Variants in SLC25A36 observed in about 807,000 individuals in gnomAD.
SLC25A36 encodes the protein solute carrier family 25 member 36.
Under a neutral mutation model 35.3 loss-of-function variants are expected in SLC25A36, and 24 were observed. The ratio of observed to expected loss-of-function variants is 0.68; its 90% CI spans 0.49 to 0.96. SLC25A36 has a LOEUF of 0.96. Ranked by LOEUF, SLC25A36 falls within the 40% of genes least tolerant of loss-of-function variation. The probability of loss-of-function intolerance (pLI) is 0.00; values close to 1 mark genes in which losing one functional copy is unlikely to be tolerated. For missense variants in SLC25A36, 294 were observed against 381.1 expected (o/e 0.77, Z 1.90); for synonymous variants, 141 against 132.2 (o/e 1.07, Z -0.46).
intron 3 of SLC25A36, among the ~76,000 whole-genome samples, chr3:140,960,284 A>G (rs1336115225): frequency 1.3e-5 from 2 of 152,200 alleles, no homozygotes; most frequent in African/African-American, 4.8e-5. Context: ...GAGTTTAACT[A>G]AACCAGCTCT....
At chr3:140,959,617 A>T (rs1488286291) in intron 3 of SLC25A36, 77 bp downstream of exon 3, 18 of 590,262 alleles carry the variant, frequency 3.0e-5, no homozygotes, top group Admixed American at 4.2e-5. Flanking sequence ...TTAATCATTT[A>T]TAGATACAGT....
chr3:140,944,721 G>A (rs1289079873), intron 1 of SLC25A36, among the ~76,000 whole-genome samples: 1 of 152,078 alleles, frequency 6.6e-6, no homozygotes, highest in Non-Finnish European at 1.5e-5. Flanking sequence ...TCTTATGACA[G>A]ATAATTTAAT....
intron 3 of SLC25A36, among the ~76,000 whole-genome samples, chr3:140,960,758 TAGTA>T (rs1332680733): frequency 2.0e-5 from 3 of 152,008 alleles, no homozygotes; most frequent in Admixed American, 6.5e-5. Flanking sequence ...AAGGACCACA[TAGTA>T]AGACCATTGT....
At chr3:140,950,061 T>C (rs1309723155) in intron 1 of SLC25A36, among the ~76,000 whole-genome samples, 1 of 152,212 alleles carries the variant, frequency 6.6e-6, no homozygotes, top group Non-Finnish European at 1.5e-5. Context: ...TTTAGTTATA[T>C]TGTACCACTC....
Position 140,958,960 on chromosome 3 carries a change from T to TTGTGTG in SLC25A36, c.207-459_207-454dup, listed in dbSNP as rs377492880. Among the ~76,000 whole-genome samples the TTGTGTG allele has an allele frequency of 3.7e-3, 415 of 112,620 alleles. 1 individual carries two copies. Among genetic ancestry groups the TTGTGTG allele is most frequent in the Non-Finnish European group, 4.9e-3 (281 of 57,388 alleles). The allele number at this position is 112,620 out of a possible 152,430, so 73.9% of individuals were successfully genotyped here. A position where few individuals can be genotyped will look rare whatever the true frequency, so the allele number is the denominator to read the frequency against. The stretch of plus-strand genomic sequence containing the variant: ...TGCTATGTCATGAAAAAACAATGTT[T>TTGTGTG]TGTGTGTGTGTGTGTGTGTGTGTGT... On this transcript the variant is annotated intron_variant, in intron 2 of 6. Coordinates refer to ENST00000324194, the MANE Select transcript of SLC25A36 (RefSeq NM_001104647.3).
rs184093559 is a variant in SLC25A36, at chr3:140,955,091, T to A, written c.42-1436T>A. On this transcript the variant is annotated intron_variant, in intron 1 of 6. Transcript: ENST00000324194. ...TTTATTTTTTAATAGTTTTGTTGCA[T>A]AAGTTTTTCACTCTAGTTGCATACA... Among the ~76,000 whole-genome samples the A allele has an allele frequency of 2.7e-3, 409 of 152,276 alleles. 1 individual carries two copies. Among genetic ancestry groups the A allele is most frequent in the African/African-American group, 7.8e-3 (325 of 41,578 alleles).
intron 1 of SLC25A36, among the ~76,000 whole-genome samples, chr3:140,952,284 C>T (rs943389173): frequency 7.9e-5 from 12 of 152,066 alleles, no homozygotes; most frequent in African/African-American, 2.9e-4. Flanking sequence ...TCCCAAAGTG[C>T]TAGGATTACA....
At chr3:140,961,562 C>CT (rs1186008060) in intron 3 of SLC25A36, among the ~76,000 whole-genome samples, 1 of 151,932 alleles carries the variant, frequency 6.6e-6, no homozygotes, top group East Asian at 1.9e-4. Flanking sequence ...ATATTTAAGA[C>CT]TAGTGAATAT....
rs1016820281 is a variant in SLC25A36, at chr3:140,976,716, A to G, written c.*263A>G. 4 of 289,324 alleles carry G rather than the reference A, an allele frequency of 1.4e-5. No individual in the cohort carries two copies. Among genetic ancestry groups the G allele is most frequent in the South Asian group, 1.0e-4 (1 of 9,758 alleles). 17.9% of individuals were successfully genotyped at this position (289,324 alleles called of 1,614,324 possible). A position where few individuals can be genotyped will look rare whatever the true frequency, so the allele number is the denominator to read the frequency against. On this transcript the variant is annotated 3_prime_UTR_variant, in exon 7 of 7. Coordinates refer to ENST00000324194, the MANE Select transcript of SLC25A36 (RefSeq NM_001104647.3). Reference sequence around the variant, plus strand: ...TCTCAAAATTGCCATTTTCTCTACCATGTCCCCCAGACACAGTTGGGTTTT... The same window carrying G: ...TCTCAAAATTGCCATTTTCTCTACCGTGTCCCCCAGACACAGTTGGGTTTT...
rs892805656 is a variant in SLC25A36 at position 140,976,453 on chromosome 3, G to A, written c.936G>A (p.Ter312=). Residue 312 remains the stop codon, a stop_retained_variant, in exon 7 of 7, where the codon TAG becomes TAA. Transcript: ENST00000324194. ...TGGTGGTTTACCTACTCAATGGATAGCAGCACGAGGACTGCTGTACTGCAA... is the reference window on the plus strand; with the variant it reads ...TGGTGGTTTACCTACTCAATGGATAACAGCACGAGGACTGCTGTACTGCAA... ...YELVVYLLNG[*] is the part of the protein sequence containing the mutation. The A allele has an allele frequency of 6.2e-7, 1 of 1,609,680 alleles. No homozygotes were observed. The highest frequency in any genetic ancestry group is 1.3e-5 in the African/African-American group (1 of 74,794).
At chr3:140,973,357 A>G (rs1211442722) in intron 5 of SLC25A36, 1 of 157,328 alleles carries the variant, frequency 6.4e-6, no homozygotes, top group Non-Finnish European at 1.4e-5. Context: ...TGGAATTAAT[A>G]CAGTGTGAGG....
chr3:140,973,207 G>A (rs1934950574), intron 5 of SLC25A36: 1 of 152,318 alleles, frequency 6.6e-6, no homozygotes, highest in South Asian at 2.1e-4. Flanking sequence ...GAGAATATGA[G>A]TGGGGTTGAA....
chr3:140,967,357 T>G (rs192460557), intron 4 of SLC25A36, among the ~76,000 whole-genome samples: 1 of 152,082 alleles, frequency 6.6e-6, no homozygotes, highest in Admixed American at 6.6e-5. Context: ...TAGTTCTCTT[T>G]GCTTAGCATA....
intron 1 of SLC25A36, among the ~76,000 whole-genome samples, chr3:140,943,173 G>A (rs947238131): frequency 1.3e-5 from 2 of 152,178 alleles, no homozygotes; most frequent in Admixed American, 6.5e-5. Flanking sequence ...TATCAAAAAT[G>A]CCTTCGGTGA....
intron 4 of SLC25A36, chr3:140,967,185 T>A (rs537718081): frequency 3.8e-5 from 15 of 391,108 alleles, no homozygotes; most frequent in African/African-American, 2.9e-4. Context: ...CTTTATAATA[T>A]TCCTTCTAGA....
chr3:140,963,258 A>G, intron 4 of SLC25A36, 31 bp downstream of exon 4: 1 of 1,361,862 alleles, frequency 7.3e-7, no homozygotes, highest in Non-Finnish European at 1.0e-6. Flanking sequence ...AAAAAAAAAA[A>G]ACTTTCTGAA....
In SLC25A36 at chr3:140,977,740, A is replaced by G. The variant is rs114732917; in HGVS notation, c.*1287A>G. Reference sequence around the variant, plus strand: ...GTGTTTGCTGTAATTCTGTTAAAAGACTTCGCCTATGCCATACTGGTGTAT... The same window carrying G: ...GTGTTTGCTGTAATTCTGTTAAAAGGCTTCGCCTATGCCATACTGGTGTAT... On this transcript the variant is annotated 3_prime_UTR_variant, in exon 7 of 7. Transcript: ENST00000324194. 411 of 152,248 alleles carry G rather than the reference A, an allele frequency of 2.7e-3. 7 individuals carry two copies. Among genetic ancestry groups the G allele is most frequent in the African/African-American group, 9.5e-3 (396 of 41,530 alleles). 9.4% of individuals were successfully genotyped at this position (152,248 alleles called of 1,614,324 possible).
Position 140,980,798 on chromosome 3 carries a change from TC to T in SLC25A36, c.*4346del, listed in dbSNP as rs1406587475. Among the ~76,000 whole-genome samples the T allele has an allele frequency of 6.8e-6, 1 of 147,944 alleles. No individual in the cohort carries two copies. Among genetic ancestry groups the T allele is most frequent in the Non-Finnish European group, 1.5e-5 (1 of 67,288 alleles). ...TCACTGCAACCTCTGCCTCCCGGGT[TC>T]AAGCGATTCTGCCTCAGCCTGACTT... On this transcript the variant is annotated 3_prime_UTR_variant, in exon 7 of 7. Transcript: ENST00000324194.
At position 140,975,097 on chromosome 3, in the gene SLC25A36, C is replaced by CTTTTTTTTTTTTTTTTTTTTTT. The variant is rs10662120; in HGVS notation, c.742+1101_742+1122dup. Among the ~76,000 whole-genome samples the CTTTTTTTTTTTTTTTTTTTTTT allele has an allele frequency of 4.5e-4, 25 of 55,222 alleles. 8 individuals carry two copies. Among genetic ancestry groups the CTTTTTTTTTTTTTTTTTTTTTT allele is most frequent in the South Asian group, 2.3e-3 (2 of 880 alleles). 36.2% of individuals were successfully genotyped at this position (55,222 alleles called of 152,430 possible). ...GTACAGTTGATAAACAAGATACATT[C>CTTTTTTTTTTTTTTTTTTTTTT]TTTTTTTTTTTTTTTTTTTTTTTTT... On this transcript the variant is annotated intron_variant, in intron 6 of 6. Coordinates refer to ENST00000324194, the MANE Select transcript of SLC25A36 (RefSeq NM_001104647.3).
Sources: allele counts gnomAD v4.1 joint callset (sites outside exome capture counted in the v4.1 genomes callset), GRCh38; gene constraint gnomAD v4.1.1; transcripts MANE v1.5; gene names NCBI Gene and HGNC (gene_info 2026-07-23, HGNC 2026-07-21).